SLIT3: variants seen among roughly 807,000 people sequenced by gnomAD.
SLIT3 encodes the protein slit guidance ligand 3, also known as slit homolog 3 protein.
SLIT3 carries 68 observed loss-of-function variants against 184.0 expected under a neutral mutation model. The ratio of observed to expected loss-of-function variants is 0.37; its 90% CI spans 0.30 to 0.45. SLIT3 has a LOEUF of 0.45. SLIT3 is among the 20% of genes least tolerant of loss of function. SLIT3 has a pLI of 1.00. For missense variants in SLIT3, 1,707 were observed against 2,026.0 expected, an observed-to-expected ratio of 0.84 and a Z score of 3.02; for synonymous variants, 831 against 828.6, an observed-to-expected ratio of 1.00 and a Z score of -0.05.
At chr5:168,850,122 A>T (rs1504954) in intron 5 of SLIT3, among the ~76,000 whole-genome samples, 25,939 of 152,184 alleles carry the variant, frequency 0.17, 2,326 homozygotes, top group East Asian at 0.25. Context: ...ATTATCTTCA[A>T]AAGAAACGCA....
chr5:168,666,709 C>A lies in SLIT3; in HGVS notation c.4337-20G>T, dbSNP rs745709466. On this transcript the variant is annotated intron_variant, in intron 35 of 35. Coordinates refer to ENST00000519560, the MANE Select transcript of SLIT3 (RefSeq NM_003062.4). ...GATTCTCTGCAGAGGGCATAGAAGTCAGGGCATTGGTGGTCTAGGTGGCCA... is the reference window on the plus strand; with the variant it reads ...GATTCTCTGCAGAGGGCATAGAAGTAAGGGCATTGGTGGTCTAGGTGGCCA... The A allele has an allele frequency of 6.2e-7, 1 of 1,613,950 alleles. No homozygotes were observed. Among genetic ancestry groups the A allele is most frequent in the Admixed American group, 1.7e-5 (1 of 60,020 alleles).
At chr5:168,738,031 C>T (rs976839939) in intron 20 of SLIT3, among the ~76,000 whole-genome samples, 15 of 152,178 alleles carry the variant, frequency 9.9e-5, no homozygotes, top group African/African-American at 2.9e-4. Context: ...TTAGGAACTT[C>T]GTGCTGACTT....
At chr5:168,756,053 C>T (rs1754938642) in intron 16 of SLIT3, among the ~76,000 whole-genome samples, 1 of 152,244 alleles carries the variant, frequency 6.6e-6, no homozygotes, top group Admixed American at 6.5e-5. Flanking sequence ...GGGGAACCAT[C>T]TTCTGCAAAC....
At chr5:169,013,293 A>G (rs1272674899) in intron 4 of SLIT3, 1 of 152,310 alleles carries the variant, frequency 6.6e-6, no homozygotes, top group African/African-American at 2.4e-5. Flanking sequence ...CTCACATCCC[A>G]TCTGGGGCCT....
At chr5:168,985,075 C>T (rs1012551456) in intron 4 of SLIT3, among the ~76,000 whole-genome samples, 1 of 152,192 alleles carries the variant, frequency 6.6e-6, no homozygotes, top group African/African-American at 2.4e-5. Context: ...AATTACTTGA[C>T]CCCCAACTGT....
intron 6 of SLIT3, among the ~76,000 whole-genome samples, chr5:168,837,275 G>A (rs1248141786): frequency 6.6e-6 from 1 of 152,110 alleles, no homozygotes; most frequent in East Asian, 1.9e-4. Flanking sequence ...AGCCATGACA[G>A]TTCTATATTC....
At chr5:168,926,126 A>T (rs1302926443) in intron 4 of SLIT3, among the ~76,000 whole-genome samples, 1 of 148,022 alleles carries the variant, frequency 6.8e-6, no homozygotes. Context: ...GGATGTGTCT[A>T]TCTATCCAAC....
intron 4 of SLIT3, among the ~76,000 whole-genome samples, chr5:169,147,122 C>A (rs976885155): frequency 6.6e-6 from 1 of 152,204 alleles, no homozygotes; most frequent in Non-Finnish European, 1.5e-5. Context: ...CACAGTGGGT[C>A]CAGCACAGGG....
chr5:169,273,447 G>C (rs929762909), intron 1 of SLIT3, among the ~76,000 whole-genome samples: 1 of 152,180 alleles, frequency 6.6e-6, no homozygotes, highest in Non-Finnish European at 1.5e-5. Context: ...CCAGGAGAAA[G>C]TCATGCAGCC....
At chr5:169,040,234 T>TG (rs1421222505) in intron 4 of SLIT3, among the ~76,000 whole-genome samples, 4 of 152,230 alleles carry the variant, frequency 2.6e-5, no homozygotes, top group African/African-American at 9.6e-5. Flanking sequence ...TCTTCCTGCA[T>TG]GTTTACACAA....
chr5:168,821,942 C>T (rs1231534118), intron 7 of SLIT3, among the ~76,000 whole-genome samples: 2 of 152,118 alleles, frequency 1.3e-5, no homozygotes, highest in Non-Finnish European at 2.9e-5. Flanking sequence ...TTATCTTTGC[C>T]TGAAGATAAA....
chr5:169,089,677 TCTC>T (rs1226865969), intron 4 of SLIT3, among the ~76,000 whole-genome samples: 6 of 152,064 alleles, frequency 3.9e-5, no homozygotes, highest in East Asian at 1.9e-4. Flanking sequence ...TCAGCAAACT[TCTC>T]CTCCTCAGGG....
intron 4 of SLIT3, among the ~76,000 whole-genome samples, chr5:168,905,244 A>G (rs558200880): frequency 6.6e-6 from 1 of 152,328 alleles, no homozygotes; most frequent in East Asian, 1.9e-4. Context: ...ATGAAGCACC[A>G]TAAGAGCATA....
At position 168,684,054 on chromosome 5, in the gene SLIT3, C is replaced by T. The variant is rs761485159; in HGVS notation, c.3598G>A (p.Asp1200Asn). The change falls in exon 32 of 36, where the codon GAC becomes AAC. Residue 1200 changes from aspartate to asparagine, a missense_variant. Transcript: ENST00000519560. ...KDNGILLYKGDNDPLALELYQ... is the reference protein window; with the variant it reads ...KDNGILLYKGNNDPLALELYQ... ...AGCTCCAGTGCCAGGGGGTCATTGTCTCCTTTGTAGAGAAGGATGCCGTTG... is the reference window on the plus strand; with the variant it reads ...AGCTCCAGTGCCAGGGGGTCATTGTTTCCTTTGTAGAGAAGGATGCCGTTG... 1 of 1,607,986 alleles carries T rather than the reference C, an allele frequency of 6.2e-7. No individual in the cohort carries two copies. Among genetic ancestry groups the T allele is most frequent in the Non-Finnish European group, 8.5e-7 (1 of 1,176,944 alleles).
At chr5:168,903,644 G>C (rs754094795) in intron 4 of SLIT3, among the ~76,000 whole-genome samples, 1 of 152,120 alleles carries the variant, frequency 6.6e-6, no homozygotes, top group Non-Finnish European at 1.5e-5. Context: ...TGCTGTGCAT[G>C]CATGGCTGGA....
rs539517194 is a variant in SLIT3 at position 168,909,513 on chromosome 5, C to T, written c.414-26177G>A. ...CCCTGTTGCCTCCTAACACTAAGGCCCCTGTGTCCACTGCCATTTATCATT... is the reference window on the plus strand; with the variant it reads ...CCCTGTTGCCTCCTAACACTAAGGCTCCTGTGTCCACTGCCATTTATCATT... On this transcript the variant is annotated intron_variant, in intron 4 of 35. Coordinates refer to ENST00000519560, the MANE Select transcript of SLIT3 (RefSeq NM_003062.4). 3.3e-5 allele frequency among the ~76,000 whole-genome samples: 5 copies of T among 152,226 alleles called. No homozygotes were observed. The East Asian group carries it at 9.6e-4, about 29-fold the overall frequency.
chr5:168,869,659 G>A (rs1206077704), intron 5 of SLIT3, among the ~76,000 whole-genome samples: 1 of 152,154 alleles, frequency 6.6e-6, no homozygotes, highest in Non-Finnish European at 1.5e-5. Context: ...CCAAGAAATG[G>A]TGTTGTCTCT....
At chr5:168,806,396 G>A in intron 9 of SLIT3, 50 bp downstream of exon 9, 2 of 1,607,972 alleles carry the variant, frequency 1.2e-6, no homozygotes, top group Non-Finnish European at 1.7e-6. Flanking sequence ...GGGACAGGGA[G>A]CTGAATTCTC....
At chr5:169,192,865 C>G (rs1428251625) in intron 4 of SLIT3, among the ~76,000 whole-genome samples, 1 of 152,184 alleles carries the variant, frequency 6.6e-6, no homozygotes, top group Non-Finnish European at 1.5e-5. Context: ...AACTCCAGCT[C>G]CTGGGCTTCC....
Sources: gnomAD v4.1 joint callset for allele counts (sites outside exome capture counted in the v4.1 genomes callset) on GRCh38, gnomAD v4.1.1 for gene constraint, MANE v1.5 for transcripts, NCBI Gene and HGNC (gene_info 2026-07-23, HGNC 2026-07-21) for gene names.